ARHGAP35: variants seen among roughly 807,000 people sequenced by gnomAD.
ARHGAP35 encodes Rho GTPase activating protein 35, also known as rho GTPase-activating protein 35.
In ARHGAP35, 15 loss-of-function variants were observed where a neutral mutation model predicts 111.1. The observed-to-expected ratio is 0.13, with a 90% CI of 0.09 to 0.21. ARHGAP35 has a LOEUF of 0.21. Ranked by LOEUF, ARHGAP35 falls within the 10% of genes least tolerant of loss-of-function variation. The pLI is 1.00. For missense variants in ARHGAP35, 1,262 were observed against 1,873.0 expected (o/e 0.67, Z 6.02); for synonymous variants, 643 against 710.3 (o/e 0.91, Z 1.51).
chr19:46,896,701 C>G (rs963650344), intron 1 of ARHGAP35, among the ~76,000 whole-genome samples: 2 of 152,160 alleles, frequency 1.3e-5, no homozygotes, highest in Non-Finnish European at 2.9e-5. Flanking sequence ...TGATCTTGAA[C>G]GAGTCTCTTG....
At chr19:46,917,035 A>G (rs1327988693) in intron 1 of ARHGAP35, among the ~76,000 whole-genome samples, 5 of 152,032 alleles carry the variant, frequency 3.3e-5, no homozygotes, top group Non-Finnish European at 5.9e-5. Context: ...ATTTTTAACT[A>G]TACAGTTCAG....
intron 1 of ARHGAP35, among the ~76,000 whole-genome samples, chr19:46,906,985 C>T (rs113453774): frequency 4.6e-5 from 7 of 151,942 alleles, no homozygotes; most frequent in African/African-American, 1.7e-4. Context: ...GCTACTCTGG[C>T]GGCTGAGGTG....
At chr19:46,875,114 A>G (rs1225358945) in intron 1 of ARHGAP35, among the ~76,000 whole-genome samples, 7 of 151,968 alleles carry the variant, frequency 4.6e-5, no homozygotes, top group East Asian at 1.9e-4. Context: ...ACCTGGCCCC[A>G]TTTTGTGTTG....
Position 46,905,005 on chromosome 19 carries a change from C to CT in ARHGAP35, c.-188-13482dup, listed in dbSNP as rs565961454. ...CTGGGTTCTGGACTGGGGTTCCTGT[C>CT]TATCTAGCTGAGTTATTTCATTTCT... On this transcript the variant is annotated intron_variant, in intron 1 of 6. Coordinates refer to ENST00000672722, the MANE Select transcript of ARHGAP35 (RefSeq NM_004491.5). Among the ~76,000 whole-genome samples, 34 of 152,298 alleles carry CT rather than the reference C, an allele frequency of 2.2e-4. No individual in the cohort carries two copies. In the East Asian group the frequency reaches 6.2e-3, roughly 28 times the overall value.
intron 3 of ARHGAP35, among the ~76,000 whole-genome samples, chr19:46,982,726 G>T (rs938997773): frequency 1.3e-5 from 2 of 151,978 alleles, no homozygotes; most frequent in African/African-American, 4.8e-5. Context: ...AGCAGCAGCA[G>T]CATCATCTGG....
chr19:46,921,038 T>C lies in ARHGAP35; in HGVS notation c.2363T>C (p.Leu788Pro). The change falls in exon 2 of 7, where the codon CTG becomes CCG. Residue 788 changes from leucine (L) to proline (P), a missense_variant. Leu to Pro is a moderately conservative substitution (Grantham distance 98). Transcript: ENST00000672722. This position sits in a 1 kb window ranked among gnomAD's most constrained non-coding sequence, Gnocchi z 4.3. ...GTTGATCTGCGAATTGTTATGTGTC[T>C]GATGTGTGGAGATCCTTTTAGTGCA... is the stretch of plus-strand genomic sequence containing the variant. ...ADVDLRIVMCLMCGDPFSADD... is the reference protein window; with the variant it reads ...ADVDLRIVMCPMCGDPFSADD... 6.2e-7 allele frequency: 1 copy of C among 1,614,052 alleles called. No individual in the cohort carries two copies. The highest frequency in any genetic ancestry group is 8.5e-7 in the Non-Finnish European group (1 of 1,179,906).
At position 46,952,446 on chromosome 19, in the gene ARHGAP35, C is replaced by T. The variant is rs541660485; in HGVS notation, c.3826+15038C>T. 7.6e-4 allele frequency among the ~76,000 whole-genome samples: 115 copies of T among 152,296 alleles called. 2 individuals are homozygous for T. The South Asian group carries it at 0.023, about 30-fold the overall frequency. Reference sequence around the variant, plus strand: ...TTGTGTTTATATTACATGAATGATTCGCTGTTTCTCCAAAAGAGCATTTAA... The same window carrying T: ...TTGTGTTTATATTACATGAATGATTTGCTGTTTCTCCAAAAGAGCATTTAA... On this transcript the variant is annotated intron_variant, in intron 3 of 6. Transcript: ENST00000672722.
intron 1 of ARHGAP35, among the ~76,000 whole-genome samples, chr19:46,898,346 ATATACT>A (rs935634582): frequency 6.6e-6 from 1 of 152,212 alleles, no homozygotes; most frequent in African/African-American, 2.4e-5. Context: ...AGTCAAAAAA[ATATACT>A]TATTGACTTT....
chr19:46,998,189 T>C (rs927990089), intron 5 of ARHGAP35, among the ~76,000 whole-genome samples: 3 of 152,108 alleles, frequency 2.0e-5, no homozygotes, highest in Admixed American at 6.5e-5. Flanking sequence ...GGCACACATA[T>C]GTCTCCGGCC....
chr19:46,870,028 G>A (rs1355544701), intron 1 of ARHGAP35, among the ~76,000 whole-genome samples: 1 of 148,104 alleles, frequency 6.8e-6, no homozygotes, highest in Non-Finnish European at 1.5e-5. Flanking sequence ...CTCACTGCAA[G>A]CTCCGCCTTC....
intron 2 of ARHGAP35, among the ~76,000 whole-genome samples, chr19:46,935,575 G>A (rs1291974174): frequency 2.0e-5 from 3 of 152,162 alleles, no homozygotes; most frequent in Non-Finnish European, 4.4e-5. Context: ...GCGGCCTGGC[G>A]GTTCGTTGTT....
rs1228852224 is a variant in ARHGAP35, at chr19:46,926,128, T to G, written c.3681+3772T>G. Among the ~76,000 whole-genome samples, 1 of 152,170 alleles carries G rather than the reference T, an allele frequency of 6.6e-6. No homozygotes were observed. Among genetic ancestry groups the G allele is most frequent in the Non-Finnish European group, 1.5e-5 (1 of 68,018 alleles). ...AATAGCTATGCTCTGGGTACCAATG[T>G]GATACAGAAAAAAATCACTCAGTGC... On this transcript the variant is annotated intron_variant, in intron 2 of 6. Transcript: ENST00000672722. The surrounding 1 kb of genome is among the most constrained non-coding windows in gnomAD (Gnocchi z 4.1).
At chr19:46,980,129 A>G (rs558480675) in intron 3 of ARHGAP35, among the ~76,000 whole-genome samples, 1 of 152,272 alleles carries the variant, frequency 6.6e-6, no homozygotes, top group Non-Finnish European at 1.5e-5. Context: ...TCATGCCTGT[A>G]ATCCCAGCAC....
At chr19:46,866,156 T>A (rs942910454) in intron 1 of ARHGAP35, among the ~76,000 whole-genome samples, 16 of 152,322 alleles carry the variant, frequency 1.1e-4, no homozygotes, top group Non-Finnish European at 2.1e-4. Flanking sequence ...TTCCCTTTTT[T>A]AAAAAATCTT....
rs2122350761 is a variant in ARHGAP35 at position 46,993,943 on chromosome 19, G to T, written c.4036+4268G>T. ...TGGGTTGTTTGTTGTTGTTGTTGTT[G>T]TTAGAAAAAACTAAGTGTCTTGACT... is the stretch of plus-strand genomic sequence containing the variant. On this transcript the variant is annotated intron_variant, in intron 5 of 6. Coordinates refer to ENST00000672722, the MANE Select transcript of ARHGAP35 (RefSeq NM_004491.5). The surrounding 1 kb of genome is among the most constrained non-coding windows in gnomAD (Gnocchi z 4.6). 6.6e-6 allele frequency among the ~76,000 whole-genome samples: 1 copy of T among 152,294 alleles called. No homozygotes were observed. The highest frequency in any genetic ancestry group is 2.4e-5 in the African/African-American group (1 of 41,550).
rs922319689 is a variant in ARHGAP35, at chr19:46,901,390, TC to T, written c.-188-17096del. 1.3e-5 allele frequency among the ~76,000 whole-genome samples: 2 copies of T among 152,202 alleles called. No individual in the cohort carries two copies. Among genetic ancestry groups the T allele is most frequent in the African/African-American group, 4.8e-5 (2 of 41,462 alleles). ...CTGGCCAACATGGTGACACCCCATC[TC>T]CACTAAAAATACAAAAATTAGCTAG... is the stretch of plus-strand genomic sequence containing the variant. On this transcript the variant is annotated intron_variant, in intron 1 of 6. Coordinates refer to ENST00000672722, the MANE Select transcript of ARHGAP35 (RefSeq NM_004491.5). The surrounding 1 kb of genome is among the most constrained non-coding windows in gnomAD (Gnocchi z 4.5).
chr19:46,920,868 C>G lies in ARHGAP35; in HGVS notation c.2193C>G (p.Val731=). 1 of 1,613,842 alleles carries G rather than the reference C, an allele frequency of 6.2e-7. No homozygotes were observed. The highest frequency in any genetic ancestry group is 8.5e-7 in the Non-Finnish European group (1 of 1,179,826). ...AAATTGCTAGCAAACTTCAGTGTGT[C>G]TTTCTCGACCCTGCTTCTGCTGGCA... ...GQQIASKLQC[V]FLDPASAGIG... The change falls in exon 2 of 7, where the codon GTC becomes GTG. Residue 731 remains valine, a synonymous_variant. Transcript: ENST00000672722. This position sits in a 1 kb window ranked among gnomAD's most constrained non-coding sequence, Gnocchi z 7.0.
rs1421131228 is a variant in ARHGAP35 at position 46,919,301 on chromosome 19, A to G, written c.626A>G (p.Tyr209Cys). The G allele has an allele frequency of 1.2e-6, 2 of 1,613,932 alleles. No individual in the cohort carries two copies. Among genetic ancestry groups the G allele is most frequent in the Non-Finnish European group, 8.5e-7 (1 of 1,179,908 alleles). The change falls in exon 2 of 7, where the codon TAC becomes TGC. Residue 209 changes from tyrosine to cysteine, a missense_variant. Transcript: ENST00000672722. This position sits in a 1 kb window ranked among gnomAD's most constrained non-coding sequence, Gnocchi z 6.2. ...LTKCDEGVER[Y>C]IRDAHTFALS... ...AAGTGTGACGAAGGTGTTGAGCGGT[A>G]CATTAGAGATGCACATACTTTTGCC...
At chr19:46,871,274 GA>G (rs2055886017) in intron 1 of ARHGAP35, among the ~76,000 whole-genome samples, 1 of 152,218 alleles carries the variant, frequency 6.6e-6, no homozygotes, top group East Asian at 1.9e-4. Context: ...AGTGAAATGG[GA>G]CTGGTATTGA....
Sources: gnomAD v4.1 joint callset for allele counts (sites outside exome capture counted in the v4.1 genomes callset) on GRCh38, gnomAD v4.1.1 for gene constraint, Gnocchi (gnomAD v3.1) non-coding constraint, MANE v1.5 for transcripts, NCBI Gene and HGNC (gene_info 2026-07-23, HGNC 2026-07-21) for gene names.